Variants in OTUD7A observed in about 807,000 individuals in gnomAD.
OTUD7A encodes the protein OTU deubiquitinase 7A.
In OTUD7A, 12 loss-of-function variants were observed where a neutral mutation model predicts 65.7. That is an observed-to-expected ratio of 0.18 (90% CI 0.12 to 0.30). The LOEUF is 0.30. Among genes scored for constraint, OTUD7A ranks in the 10% least tolerant of loss-of-function variants. OTUD7A has a pLI of 1.00. For missense variants in OTUD7A, 1,148 were observed against 1,304.8 expected, an observed-to-expected ratio of 0.88 and a Z score of 1.85; for synonymous variants, 641 against 586.3, an observed-to-expected ratio of 1.09 and a Z score of -1.35.
chr15:31,612,534 C>G (rs953927049), intron 3 of OTUD7A, among the ~76,000 whole-genome samples: 1 of 152,068 alleles, frequency 6.6e-6, no homozygotes, highest in Non-Finnish European at 1.5e-5. Context: ...AAGAACTCAA[C>G]CCCTTTTACA....
chr15:31,715,918 C>T lies in OTUD7A; in HGVS notation c.-99-58841G>A, dbSNP rs1364610282. On this transcript the variant is annotated intron_variant, in intron 1 of 12. Transcript: ENST00000307050. ...TAGGCTGTGCGCTGTTCTGAGGGTA[C>T]AATAAGAACGGGTGCTGCCCACAGT... Among the ~76,000 whole-genome samples, 14 of 25,732 alleles carry T rather than the reference C, an allele frequency of 5.4e-4. 4 individuals are homozygous for T. The highest frequency in any genetic ancestry group is 6.6e-4 in the African/African-American group (14 of 21,156). 16.9% of individuals were successfully genotyped at this position (25,732 alleles called of 152,430 possible).
At chr15:31,752,235 C>T (rs1320051103) in intron 1 of OTUD7A, among the ~76,000 whole-genome samples, 1 of 152,064 alleles carries the variant, frequency 6.6e-6, no homozygotes, top group East Asian at 1.9e-4. Flanking sequence ...ACATGCAATG[C>T]TAAAGTATGA....
At chr15:31,693,673 CA>C (rs1893010512) in intron 1 of OTUD7A, among the ~76,000 whole-genome samples, 1 of 152,168 alleles carries the variant, frequency 6.6e-6, no homozygotes, top group African/African-American at 2.4e-5. Context: ...CAGGTGAGAG[CA>C]GAGACCCAGG....
chr15:31,601,292 C>A lies in OTUD7A; in HGVS notation c.152-31095G>T, dbSNP rs548217015. Among the ~76,000 whole-genome samples the A allele has an allele frequency of 1.6e-3, 248 of 152,284 alleles. 1 individual carries two copies. Among genetic ancestry groups the A allele is most frequent in the Non-Finnish European group, 2.8e-3 (191 of 68,034 alleles). ...ACTACAGTGCAATCAAATTAGAACT[C>A]AGGATTAAGAAACTCACCCAAAACT... On this transcript the variant is annotated intron_variant, in intron 3 of 12. Coordinates refer to ENST00000307050, the MANE Select transcript of OTUD7A (RefSeq NM_001382637.1).
intron 3 of OTUD7A, among the ~76,000 whole-genome samples, chr15:31,589,295 T>C (rs573132867): frequency 7.2e-6 from 1 of 138,216 alleles, no homozygotes; most frequent in South Asian, 2.2e-4. Context: ...CTCATTTTGT[T>C]TTTCTGGGTT....
intron 5 of OTUD7A, among the ~76,000 whole-genome samples, chr15:31,548,682 G>A (rs532842672): frequency 2.4e-4 from 37 of 152,138 alleles, no homozygotes; most frequent in African/African-American, 6.0e-4. Flanking sequence ...TCCCCAATAC[G>A]TGAAGGCTGC....
chr15:31,669,931 G>T (rs1892437296), intron 1 of OTUD7A, among the ~76,000 whole-genome samples: 1 of 147,158 alleles, frequency 6.8e-6, no homozygotes, highest in South Asian at 2.2e-4. Context: ...TCCATTGGGG[G>T]TGTGTGTTCG....
At chr15:31,553,219 T>A (rs1888381918) in intron 5 of OTUD7A, among the ~76,000 whole-genome samples, 1 of 152,154 alleles carries the variant, frequency 6.6e-6, no homozygotes, top group African/African-American at 2.4e-5. Context: ...TGGTTCGCCC[T>A]GATTCCCAGG....
chr15:31,699,355 T>C (rs530927104), intron 1 of OTUD7A, among the ~76,000 whole-genome samples: 1 of 152,284 alleles, frequency 6.6e-6, no homozygotes, highest in East Asian at 1.9e-4. Flanking sequence ...CTGGGATTAC[T>C]GGCGTGAGCC....
intron 1 of OTUD7A, among the ~76,000 whole-genome samples, chr15:31,722,106 C>T (rs1262409220): frequency 6.6e-6 from 1 of 152,176 alleles, no homozygotes; most frequent in Non-Finnish European, 1.5e-5. Flanking sequence ...TCTCATCAGC[C>T]CTTGCAGGTT....
rs976041970 is a variant in OTUD7A at position 31,477,901 on chromosome 15, T to C, written c.*5393A>G. 4 of 60,470 alleles carry C rather than the reference T, an allele frequency of 6.6e-5. No homozygotes were observed. Among genetic ancestry groups the C allele is most frequent in the Admixed American group, 2.1e-4 (1 of 4,838 alleles). 3.7% of individuals were successfully genotyped at this position (60,470 alleles called of 1,614,324 possible). A position where few individuals can be genotyped will look rare whatever the true frequency, so the allele number is the denominator to read the frequency against. On this transcript the variant is annotated 3_prime_UTR_variant, in exon 13 of 13. Coordinates refer to ENST00000307050, the MANE Select transcript of OTUD7A (RefSeq NM_001382637.1). The stretch of plus-strand genomic sequence containing the variant: ...CAGAGAGGTGGGTAGGGAGGGAGGG[T>C]GGGGTGTGTTGTCCTTTTAAATAAG...
chr15:31,859,190 T>G (rs913823250), intron 1 of OTUD7A, among the ~76,000 whole-genome samples: 2 of 152,232 alleles, frequency 1.3e-5, no homozygotes, highest in African/African-American at 4.8e-5. Flanking sequence ...TTGTATTTTT[T>G]TGTTGTTATT....
At chr15:31,743,219 C>T in intron 1 of OTUD7A, among the ~76,000 whole-genome samples, 1 of 151,900 alleles carries the variant, frequency 6.6e-6, no homozygotes. Context: ...CCAAACATGT[C>T]TCAATAAAAT....
intron 1 of OTUD7A, among the ~76,000 whole-genome samples, chr15:31,695,152 C>T (rs1348007586): frequency 6.6e-6 from 1 of 151,940 alleles, no homozygotes; most frequent in Non-Finnish European, 1.5e-5. Context: ...CCATGTTTTA[C>T]ATTTTCTTTA....
intron 1 of OTUD7A, among the ~76,000 whole-genome samples, chr15:31,674,095 T>C (rs1015355711): frequency 3.9e-5 from 6 of 152,158 alleles, no homozygotes; most frequent in South Asian, 2.1e-4. Flanking sequence ...AGTAAACCCA[T>C]TGGAATATAA....
chr15:31,820,691 C>T (rs921625289), intron 1 of OTUD7A, among the ~76,000 whole-genome samples: 1 of 152,186 alleles, frequency 6.6e-6, no homozygotes, highest in African/African-American at 2.4e-5. Flanking sequence ...TGGTTGGCTG[C>T]CCACAAGCTA....
chr15:31,654,028 T>C (rs1052745652), intron 3 of OTUD7A, among the ~76,000 whole-genome samples: 3 of 98,634 alleles, frequency 3.0e-5, no homozygotes, highest in Non-Finnish European at 6.0e-5. Flanking sequence ...ATTTGTCCTA[T>C]ATCTCATAGT....
At chr15:31,838,408 G>A (rs1162657840) in intron 1 of OTUD7A, among the ~76,000 whole-genome samples, 1 of 151,996 alleles carries the variant, frequency 6.6e-6, no homozygotes, top group Non-Finnish European at 1.5e-5. Context: ...AGAGACCATG[G>A]CCCTATCCTC....
chr15:31,740,904 A>G (rs1894325101), intron 1 of OTUD7A, among the ~76,000 whole-genome samples: 1 of 152,256 alleles, frequency 6.6e-6, no homozygotes, highest in Non-Finnish European at 1.5e-5. Context: ...AATAACAGAC[A>G]GAATAGACTT....
Sources: gnomAD v4.1 joint callset for allele counts (sites outside exome capture counted in the v4.1 genomes callset) on GRCh38, gnomAD v4.1.1 for gene constraint, MANE v1.5 for transcripts, NCBI Gene and HGNC (gene_info 2026-07-23, HGNC 2026-07-21) for gene names.